Variants in KCNQ1OT1 observed in about 807,000 individuals in gnomAD.
KCNQ1OT1 encodes KCNQ1 antisense RNA 2 (non-protein coding).
chr11:2,662,905 G>A (rs1038645053), exon 1 of KCNQ1OT1: 7 of 398,566 alleles, frequency 1.8e-5, no homozygotes, highest in Admixed American at 4.4e-5. Flanking sequence ...CTCTCTGGGG[G>A]TCAGGAGGTT....
chr11:2,686,692 C>G (rs1057456935), exon 1 of KCNQ1OT1: 1 of 398,518 alleles, frequency 2.5e-6, no homozygotes, highest in African/African-American at 2.1e-5. Flanking sequence ...ATGACAAACC[C>G]ATGTTCAAGG....
Position 2,613,820 on chromosome 11 carries a change from G to T in KCNQ1OT1, n.86175C>A, listed in dbSNP as rs891494533. The stretch of plus-strand genomic sequence containing the variant: ...TCCTAATTCCCCCTACCCATTATAG[G>T]TAACCAGTTTCAGTGTTTTCTAGTT... On this transcript the variant is annotated non_coding_transcript_exon_variant, in exon 1 of 1. Transcript: ENST00000597346. The surrounding 1 kb of genome is among the most constrained non-coding windows in gnomAD (Gnocchi z 4.8). 1 of 398,342 alleles carries T rather than the reference G, an allele frequency of 2.5e-6. No homozygotes were observed. The highest frequency in any genetic ancestry group is 2.1e-5 in the African/African-American group (1 of 48,650). 24.7% of individuals were successfully genotyped at this position (398,342 alleles called of 1,614,324 possible).
chr11:2,660,485 T>C (rs1325360330), exon 1 of KCNQ1OT1: 2 of 398,524 alleles, frequency 5.0e-6, no homozygotes, highest in Admixed American at 4.4e-5. Context: ...CTGGGGAAGC[T>C]ATCTATGCCT....
Position 2,699,200 on chromosome 11 carries a change from C to T in KCNQ1OT1, n.795G>A, listed in dbSNP as rs545479259. 4.0e-5 allele frequency: 16 copies of T among 398,742 alleles called. No homozygotes were observed. The South Asian group carries it at 1.4e-3, about 35-fold the overall frequency. The allele number at this position is 398,742 out of a possible 1,614,324, so 24.7% of individuals were successfully genotyped here. A position where few individuals can be genotyped will look rare whatever the true frequency, so the allele number is the denominator to read the frequency against. ...TAGACCCGGAATCCGATCCTTGGGACGCGGCCAGGAACTCGGACCTCGACC... is the reference window on the plus strand; with the variant it reads ...TAGACCCGGAATCCGATCCTTGGGATGCGGCCAGGAACTCGGACCTCGACC... On this transcript the variant is annotated non_coding_transcript_exon_variant, in exon 1 of 1. Coordinates refer to ENST00000597346, the Ensembl canonical transcript of KCNQ1OT1.
In KCNQ1OT1 at chr11:2,647,103, C is replaced by T. The variant is rs1849678039; in HGVS notation, n.52892G>A. The stretch of plus-strand genomic sequence containing the variant: ...AGGTGTTTAGCTTTTCCCCAGGTGG[C>T]TGTGGGTTTGTCATATATGACCTTC... On this transcript the variant is annotated non_coding_transcript_exon_variant, in exon 1 of 1. Transcript: ENST00000597346. The surrounding 1 kb of genome is among the most constrained non-coding windows in gnomAD (Gnocchi z 4.0). The T allele has an allele frequency of 2.5e-6, 1 of 398,428 alleles. No homozygotes were observed. 24.7% of individuals were successfully genotyped at this position (398,428 alleles called of 1,614,324 possible).
In KCNQ1OT1 at chr11:2,682,813, T is replaced by C. The variant is rs1850421184; in HGVS notation, n.17182A>G. The stretch of plus-strand genomic sequence containing the variant: ...CATGAAATGCAGTGACTTGCAGTGA[T>C]CCTCCTGGGGCCTTGTATAGAAGAG... On this transcript the variant is annotated non_coding_transcript_exon_variant, in exon 1 of 1. Transcript: ENST00000597346. This position sits in a 1 kb window ranked among gnomAD's most constrained non-coding sequence, Gnocchi z 5.8. 1 of 398,600 alleles carries C rather than the reference T, an allele frequency of 2.5e-6. No homozygotes were observed. The highest frequency in any genetic ancestry group is 4.4e-6 in the Non-Finnish European group (1 of 226,074). The allele number at this position is 398,600 out of a possible 1,614,324, so 24.7% of individuals were successfully genotyped here. A position where few individuals can be genotyped will look rare whatever the true frequency, so the allele number is the denominator to read the frequency against.
At chr11:2,609,330 C>T (rs1848936903) in exon 1 of KCNQ1OT1, 2 of 398,148 alleles carry the variant, frequency 5.0e-6, no homozygotes, top group Non-Finnish European at 8.9e-6. Flanking sequence ...TGTATGTTTC[C>T]CTAATTTCTT....
exon 1 of KCNQ1OT1, chr11:2,630,142 T>C (rs772682110): frequency 1.8e-5 from 7 of 398,262 alleles, no homozygotes; most frequent in East Asian, 7.1e-5. Flanking sequence ...TGTTGAATTA[T>C]GTGAACTGCA....
exon 1 of KCNQ1OT1, chr11:2,662,473 G>GT: frequency 4.3e-6 from 2 of 468,260 alleles, no homozygotes; most frequent in Non-Finnish European, 7.5e-6. Context: ...GCCGGGTGCA[G>GT]TCTGCCAGTT....
exon 1 of KCNQ1OT1, chr11:2,655,600 G>A (rs117526880): frequency 2.5e-6 from 1 of 398,732 alleles, no homozygotes; most frequent in Non-Finnish European, 4.4e-6. Context: ...AGCAAGACCT[G>A]TTAGGGCACA....
Position 2,694,766 on chromosome 11 carries a change from T to G in KCNQ1OT1, n.5229A>C, listed in dbSNP as rs1479481560. 1.0e-5 allele frequency: 4 copies of G among 398,404 alleles called. No homozygotes were observed. The South Asian group carries it at 5.1e-4, about 51-fold the overall frequency. 24.7% of individuals were successfully genotyped at this position (398,404 alleles called of 1,614,324 possible). ...AGATGTCTAAGGAACTAGAAAAGCG[T>G]AGCCTGTGCTTTGCAGAGACTCGAA... On this transcript the variant is annotated non_coding_transcript_exon_variant, in exon 1 of 1. Transcript: ENST00000597346.
At chr11:2,619,152 T>G (rs1262732706) in exon 1 of KCNQ1OT1, 1 of 398,558 alleles carries the variant, frequency 2.5e-6, no homozygotes, top group East Asian at 3.6e-5. Flanking sequence ...ACTTCCTGAT[T>G]TGAATGTCTT....
exon 1 of KCNQ1OT1, chr11:2,631,426 GTT>G (rs760125033): frequency 1.3e-5 from 5 of 373,562 alleles, no homozygotes; most frequent in Non-Finnish European, 2.4e-5. Context: ...CAAAATGTTT[GTT>G]TTTTTTTTAG....
At chr11:2,689,200 C>A in exon 1 of KCNQ1OT1, 2 of 398,826 alleles carry the variant, frequency 5.0e-6, no homozygotes, top group Non-Finnish European at 8.8e-6. Context: ...AACAGCTCAG[C>A]TTGCTGACTT....
chr11:2,641,798 C>G, exon 1 of KCNQ1OT1: 1 of 398,386 alleles, frequency 2.5e-6, no homozygotes, highest in Non-Finnish European at 4.4e-6. Context: ...TTTAACCCAT[C>G]TTGAGTTGAT....
exon 1 of KCNQ1OT1, chr11:2,643,918 C>T (rs757843661): frequency 1.5e-5 from 6 of 398,412 alleles, no homozygotes; most frequent in Admixed American, 4.4e-5. Context: ...CAGCACTCTG[C>T]GTATATAATC....
exon 1 of KCNQ1OT1, chr11:2,675,610 G>A: frequency 2.5e-6 from 1 of 398,628 alleles, no homozygotes; most frequent in Non-Finnish European, 4.4e-6. Context: ...TCCTCAGATA[G>A]GGTGGAGAGC....
Position 2,620,640 on chromosome 11 carries a change from G to A in KCNQ1OT1, n.79355C>T. 1 of 398,224 alleles carries A rather than the reference G, an allele frequency of 2.5e-6. No homozygotes were observed. Among genetic ancestry groups the A allele is most frequent in the Non-Finnish European group, 4.4e-6 (1 of 226,032 alleles). 24.7% of individuals were successfully genotyped at this position (398,224 alleles called of 1,614,324 possible). A position where few individuals can be genotyped will look rare whatever the true frequency, so the allele number is the denominator to read the frequency against. On this transcript the variant is annotated non_coding_transcript_exon_variant, in exon 1 of 1. Transcript: ENST00000597346. This position sits in a 1 kb window ranked among gnomAD's most constrained non-coding sequence, Gnocchi z 4.5. ...TGTCTTTGCTGTTGTGAATAGTGCT[G>A]TGATGAACATACAAATGCATGTGTC...
chr11:2,686,842 G>A lies in KCNQ1OT1; in HGVS notation n.13153C>T, dbSNP rs558047391. 7.3e-5 allele frequency: 29 copies of A among 398,674 alleles called. No homozygotes were observed. The Admixed American group carries it at 1.0e-3, about 14-fold the overall frequency. The allele number at this position is 398,674 out of a possible 1,614,324, so 24.7% of individuals were successfully genotyped here. ...GCAGCACAAGTAACTCAGAGCCACT[G>A]TCCCCTCTGGCCAGAGGCCCTGGTT... On this transcript the variant is annotated non_coding_transcript_exon_variant, in exon 1 of 1. Coordinates refer to ENST00000597346, the Ensembl canonical transcript of KCNQ1OT1.
Sources: gnomAD v4.1 joint callset for allele counts on GRCh38, gnomAD v4.1.1 for gene constraint, Gnocchi (gnomAD v3.1) non-coding constraint, MANE v1.5 for transcripts, NCBI Gene and HGNC (gene_info 2026-07-23, HGNC 2026-07-21) for gene names.